Variants in NEDD4L observed in about 807,000 individuals in gnomAD.
The protein encoded by NEDD4L is NEDD4 like E3 ubiquitin protein ligase.
Under a neutral mutation model 148.9 loss-of-function variants are expected in NEDD4L, and 54 were observed. That is an observed-to-expected ratio of 0.36 (90% CI 0.29 to 0.45). The LOEUF (loss-of-function observed/expected upper bound fraction) is 0.45. Ranked by LOEUF, NEDD4L falls within the 20% of genes least tolerant of loss-of-function variation. The pLI is 1.00. For synonymous variants in NEDD4L, 433 were observed against 440.7 expected, an observed-to-expected ratio of 0.98 and a Z score of 0.22; for missense variants, 856 against 1,233.8, an observed-to-expected ratio of 0.69 and a Z score of 4.59.
intron 1 of NEDD4L, among the ~76,000 whole-genome samples, chr18:58,163,176 C>G (rs771672978): frequency 1.3e-5 from 2 of 152,194 alleles, no homozygotes; most frequent in Non-Finnish European, 2.9e-5. Flanking sequence ...CTCCTGGACT[C>G]AAGTGATCCT....
chr18:58,058,222 C>T (rs1043507398), intron 1 of NEDD4L, among the ~76,000 whole-genome samples: 2 of 152,236 alleles, frequency 1.3e-5, no homozygotes, highest in Non-Finnish European at 2.9e-5. Flanking sequence ...AGGAGAATCG[C>T]TTGAACCTGA....
intron 5 of NEDD4L, among the ~76,000 whole-genome samples, chr18:58,276,576 T>C (rs2052053288): frequency 6.6e-6 from 1 of 151,902 alleles, no homozygotes; most frequent in Non-Finnish European, 1.5e-5. Context: ...TGTTTCCCTA[T>C]TTGTAAAATG....
chr18:58,112,849 A>G (rs1445017927), intron 1 of NEDD4L, among the ~76,000 whole-genome samples: 1 of 152,142 alleles, frequency 6.6e-6, no homozygotes, highest in Non-Finnish European at 1.5e-5. Context: ...TAGACTGAAT[A>G]TTTGCATCCT....
At chr18:58,139,695 G>A (rs957422539) in intron 1 of NEDD4L, among the ~76,000 whole-genome samples, 6 of 152,182 alleles carry the variant, frequency 3.9e-5, no homozygotes, top group Non-Finnish European at 8.8e-5. Flanking sequence ...TAGAGCCATA[G>A]AAATCTGGCC....
intron 9 of NEDD4L, among the ~76,000 whole-genome samples, chr18:58,326,672 C>T (rs148175665): frequency 2.1e-4 from 32 of 152,236 alleles, no homozygotes; most frequent in East Asian, 1.9e-4. Context: ...GATCCTCATG[C>T]GACCTCTGCA....
At chr18:58,107,910 G>A (rs537797665) in intron 1 of NEDD4L, among the ~76,000 whole-genome samples, 88 of 152,158 alleles carry the variant, frequency 5.8e-4, no homozygotes, top group Non-Finnish European at 3.8e-4. Context: ...AGTAAAGATG[G>A]GGTTTTGCCA....
intron 30 of NEDD4L, among the ~76,000 whole-genome samples, chr18:58,393,309 A>G (rs931444714): frequency 1.3e-5 from 2 of 152,204 alleles, no homozygotes; most frequent in African/African-American, 4.8e-5. Context: ...AGAGAGCCTT[A>G]AAGAAATCAC....
chr18:58,126,163 C>G (rs4941332), intron 1 of NEDD4L, among the ~76,000 whole-genome samples: 107,700 of 152,210 alleles, frequency 0.71, 38,332 homozygotes, highest in Admixed American at 0.77. Flanking sequence ...TACAATTCAC[C>G]CATTTAATGG....
At chr18:58,063,161 A>G (rs1405666438) in intron 1 of NEDD4L, among the ~76,000 whole-genome samples, 3 of 147,770 alleles carry the variant, frequency 2.0e-5, no homozygotes, top group Non-Finnish European at 3.0e-5. Flanking sequence ...TCCTCCTACC[A>G]CAGCCTCCCA....
chr18:58,278,417 A>G (rs2052483902), intron 5 of NEDD4L, among the ~76,000 whole-genome samples: 1 of 152,040 alleles, frequency 6.6e-6, no homozygotes, highest in Non-Finnish European at 1.5e-5. Context: ...GGAGTTTCCT[A>G]CCTGGTTAGA....
At chr18:58,190,388 A>T (rs1447943541) in intron 2 of NEDD4L, among the ~76,000 whole-genome samples, 1 of 152,242 alleles carries the variant, frequency 6.6e-6, no homozygotes, top group African/African-American at 2.4e-5. Context: ...GAATAGTATA[A>T]AGCCATTAGA....
intron 1 of NEDD4L, among the ~76,000 whole-genome samples, chr18:58,128,046 C>G (rs1044109940): frequency 4.6e-5 from 7 of 151,536 alleles, no homozygotes; most frequent in Admixed American, 6.6e-5. Context: ...GCTTTGCTTT[C>G]CTTTGTTTTG....
chr18:58,117,677 C>T (rs954069226), intron 1 of NEDD4L, among the ~76,000 whole-genome samples: 1 of 152,134 alleles, frequency 6.6e-6, no homozygotes, highest in Non-Finnish European at 1.5e-5. Flanking sequence ...AAAACGTACC[C>T]GGGCTATTCT....
chr18:58,138,598 T>C (rs1023350896), intron 1 of NEDD4L, among the ~76,000 whole-genome samples: 1 of 152,144 alleles, frequency 6.6e-6, no homozygotes, highest in Non-Finnish European at 1.5e-5. Flanking sequence ...TACCATAGGC[T>C]GGGTGGCTTA....
intron 1 of NEDD4L, among the ~76,000 whole-genome samples, chr18:58,104,268 A>G (rs1238201707): frequency 6.6e-6 from 1 of 152,220 alleles, no homozygotes; most frequent in Non-Finnish European, 1.5e-5. Context: ...ATCTGTAGAG[A>G]AAGAACACAG....
chr18:58,219,373 G>A (rs974752891), intron 2 of NEDD4L, among the ~76,000 whole-genome samples: 8 of 152,162 alleles, frequency 5.3e-5, no homozygotes, highest in African/African-American at 1.9e-4. Flanking sequence ...ATGGGGGAAT[G>A]GTTATTAGAA....
chr18:58,195,479 C>T (rs1349868537), intron 2 of NEDD4L: 6 of 1,342,756 alleles, frequency 4.5e-6, no homozygotes, highest in East Asian at 4.6e-5. Flanking sequence ...AGGCTTAAGC[C>T]GCGCGAGGGT....
intron 16 of NEDD4L, among the ~76,000 whole-genome samples, chr18:58,345,521 T>G (rs536736845): frequency 7.5e-4 from 114 of 152,230 alleles, no homozygotes; most frequent in Non-Finnish European, 2.1e-4. Context: ...AGGTTGAAAA[T>G]GATGAAAATA....
At chr18:58,267,929 G>A (rs2050455271) in intron 5 of NEDD4L, among the ~76,000 whole-genome samples, 1 of 152,022 alleles carries the variant, frequency 6.6e-6, no homozygotes, top group Non-Finnish European at 1.5e-5. Flanking sequence ...TTTTCCAGGA[G>A]CAAGGTTTCT....
Sources: allele counts gnomAD v4.1 joint callset (sites outside exome capture counted in the v4.1 genomes callset), GRCh38; gene constraint gnomAD v4.1.1; transcripts MANE v1.5; gene names NCBI Gene and HGNC (gene_info 2026-07-23, HGNC 2026-07-21).